The following COBL variants were observed in gnomAD, a reference collection of about 807,000 sequenced individuals.
The protein encoded by COBL is cordon-bleu WH2 repeat protein.
Under a neutral mutation model 98.8 loss-of-function variants are expected in COBL, and 51 were observed. That is an observed-to-expected ratio of 0.52 (90% confidence interval 0.41 to 0.65). COBL has a LOEUF of 0.65. Ranked by LOEUF, COBL falls within the 30% of genes least tolerant of loss-of-function variation. The pLI is 0.00. For missense variants in COBL, 1,617 were observed against 1,617.5 expected (o/e 1.00, Z 0.01); for synonymous variants, 634 against 651.7 (o/e 0.97, Z 0.41).
intron 2 of COBL, among the ~76,000 whole-genome samples, chr7:51,217,237 C>T (rs772829786): frequency 2.6e-5 from 4 of 151,902 alleles, no homozygotes; most frequent in Non-Finnish European, 5.9e-5. Flanking sequence ...AATATTTTTA[C>T]TTTTAGAATG....
intron 5 of COBL, among the ~76,000 whole-genome samples, chr7:51,183,597 T>C (rs1331791404): frequency 6.6e-6 from 1 of 152,208 alleles, no homozygotes; most frequent in African/African-American, 2.4e-5. Flanking sequence ...CATAGTACAT[T>C]CCCAGATCAT....
chr7:51,239,970 AAATG>A (rs1452689898), intron 1 of COBL, among the ~76,000 whole-genome samples: 1 of 152,254 alleles, frequency 6.6e-6, no homozygotes, highest in Non-Finnish European at 1.5e-5. Context: ...TGCAATATAT[AAATG>A]AATGAACTTG....
intron 5 of COBL, among the ~76,000 whole-genome samples, chr7:51,154,472 G>C (rs906625312): frequency 6.6e-6 from 1 of 152,216 alleles, no homozygotes; most frequent in Non-Finnish European, 1.5e-5. Context: ...AGCAAATCCT[G>C]ATCTGGGGCA....
chr7:51,168,181 A>G (rs1202194935), intron 5 of COBL, among the ~76,000 whole-genome samples: 3 of 152,184 alleles, frequency 2.0e-5, no homozygotes. Context: ...GGGATTAATA[A>G]CCAGAATATA....
intron 7 of COBL, among the ~76,000 whole-genome samples, chr7:51,075,158 A>AT (rs1370882358): frequency 1.3e-5 from 2 of 152,260 alleles, no homozygotes; most frequent in Admixed American, 6.5e-5. Context: ...GTACAACTCA[A>AT]TTTTTTCTGC....
chr7:51,202,995 C>G (rs1791279280), intron 2 of COBL, among the ~76,000 whole-genome samples: 1 of 151,948 alleles, frequency 6.6e-6, no homozygotes, highest in South Asian at 2.1e-4. Flanking sequence ...GATCCGCGAT[C>G]GCACCACTGC....
intron 1 of COBL, among the ~76,000 whole-genome samples, chr7:51,290,091 A>G (rs1483727042): frequency 1.3e-5 from 2 of 152,236 alleles, no homozygotes; most frequent in Non-Finnish European, 2.9e-5. Context: ...CATGAGCAGC[A>G]GTAACCTTAG....
chr7:51,221,766 T>C (rs989834488), intron 1 of COBL, among the ~76,000 whole-genome samples: 8 of 152,248 alleles, frequency 5.3e-5, no homozygotes, highest in Non-Finnish European at 4.4e-5. Context: ...TTATCACTTG[T>C]ATATGTATTA....
At chr7:51,203,738 T>C (rs958907374) in intron 2 of COBL, among the ~76,000 whole-genome samples, 1 of 152,014 alleles carries the variant, frequency 6.6e-6, no homozygotes, top group Non-Finnish European at 1.5e-5. Context: ...CAATTAAATC[T>C]CATCACAAAC....
chr7:51,290,221 A>C (rs1209224772), intron 1 of COBL, among the ~76,000 whole-genome samples: 1 of 152,260 alleles, frequency 6.6e-6, no homozygotes, highest in Non-Finnish European at 1.5e-5. Context: ...TGGGCAAGTC[A>C]CAATGCCAGT....
intron 5 of COBL, among the ~76,000 whole-genome samples, chr7:51,178,593 G>A (rs1403630790): frequency 6.6e-6 from 1 of 152,164 alleles, no homozygotes; most frequent in East Asian, 1.9e-4. Flanking sequence ...CACACTCACC[G>A]TGTCTTTATT....
intron 1 of COBL, among the ~76,000 whole-genome samples, chr7:51,241,881 G>A (rs117812583): frequency 6.6e-6 from 1 of 152,320 alleles, no homozygotes; most frequent in East Asian, 1.9e-4. Flanking sequence ...TGAGGCAGGA[G>A]AGTAATGTCT....
intron 6 of COBL, among the ~76,000 whole-genome samples, chr7:51,128,580 T>C (rs6593334): frequency 1.3e-5 from 2 of 152,134 alleles, no homozygotes; most frequent in Middle Eastern, 3.4e-3. Context: ...TCTTCATATT[T>C]TGTGTGGCCA....
chr7:51,270,791 A>G (rs1344988738), intron 1 of COBL, among the ~76,000 whole-genome samples: 1 of 152,092 alleles, frequency 6.6e-6, no homozygotes, highest in Non-Finnish European at 1.5e-5. Flanking sequence ...AATAATTACT[A>G]TGTGCCTAAA....
intron 1 of COBL, among the ~76,000 whole-genome samples, chr7:51,298,684 G>A (rs546340267): frequency 7.9e-5 from 12 of 152,320 alleles, no homozygotes; most frequent in African/African-American, 2.6e-4. Flanking sequence ...TTGGGACTCC[G>A]AAAGCTGCAA....
At chr7:51,232,375 C>T (rs1794831462) in intron 1 of COBL, among the ~76,000 whole-genome samples, 1 of 152,050 alleles carries the variant, frequency 6.6e-6, no homozygotes, top group South Asian at 2.1e-4. Context: ...TGAGAGTTCC[C>T]ACAACCCATC....
chr7:51,112,384 T>C (rs1796911767), intron 6 of COBL, among the ~76,000 whole-genome samples: 1 of 152,114 alleles, frequency 6.6e-6, no homozygotes. Context: ...TAAAAATATA[T>C]AGTTTATGAT....
At position 51,111,425 on chromosome 7, in the gene COBL, T is replaced by C. The variant is rs181024681; in HGVS notation, c.957+24733A>G. On this transcript the variant is annotated intron_variant, in intron 6 of 12. Transcript: ENST00000265136. ...GGAGGCCAGTATGGCATTATTGGCA[T>C]TGGAAAGAAGCTTGGTTTGTATTCA... is the stretch of plus-strand genomic sequence containing the variant. Among the ~76,000 whole-genome samples, 339 of 152,324 alleles carry C rather than the reference T, an allele frequency of 2.2e-3. 2 individuals carry two copies. Among genetic ancestry groups the C allele is most frequent in the African/African-American group, 8.0e-3 (332 of 41,584 alleles).
intron 1 of COBL, among the ~76,000 whole-genome samples, chr7:51,275,133 G>A (rs1002107780): frequency 1.1e-4 from 16 of 152,140 alleles, no homozygotes; most frequent in African/African-American, 2.4e-4. Context: ...ACGTGGAGCC[G>A]CTCCATGTTT....
Sources: allele counts gnomAD v4.1 joint callset (sites outside exome capture counted in the v4.1 genomes callset), GRCh38; gene constraint gnomAD v4.1.1; transcripts MANE v1.5; gene names NCBI Gene and HGNC (gene_info 2026-07-23, HGNC 2026-07-21).